The following TRMT11 variants were observed in gnomAD, a reference collection of about 807,000 sequenced individuals.
TRMT11 encodes the protein tRNA (guanine(10)-N(2))-methyltransferase TRMT11.
A neutral mutation model predicts 62.8 loss-of-function variants in TRMT11; 53 were observed. The ratio of observed to expected loss-of-function variants is 0.84; its 90% CI spans 0.68 to 1.06. The LOEUF (loss-of-function observed/expected upper bound fraction) is 1.06, where lower values mean the gene tolerates loss of function less well. TRMT11 is among the 50% of genes least tolerant of loss of function. The pLI is 0.00. For missense variants in TRMT11, 556 were observed against 553.4 expected, an observed-to-expected ratio of 1.00 and a Z score of -0.05; for synonymous variants, 188 against 190.3, an observed-to-expected ratio of 0.99 and a Z score of 0.10.
chr6:125,999,212 C>T (rs1792088277), intron 6 of TRMT11, among the ~76,000 whole-genome samples: 1 of 152,118 alleles, frequency 6.6e-6, no homozygotes, highest in Admixed American at 6.6e-5. Context: ...ACACCTACCT[C>T]TGGAGTAATT....
chr6:126,092,691 T>A (rs1373682510), intron 17 of TRMT11, among the ~76,000 whole-genome samples: 1 of 152,212 alleles, frequency 6.6e-6, no homozygotes, highest in Non-Finnish European at 1.5e-5. Context: ...GTTTCTTTAT[T>A]TCTTTACTTT....
intron 21 of TRMT11, among the ~76,000 whole-genome samples, chr6:126,124,159 T>C (rs1367340732): frequency 6.6e-6 from 1 of 152,098 alleles, no homozygotes; most frequent in East Asian, 1.9e-4. Flanking sequence ...ACTAAAAAGG[T>C]ATTGGTAATA....
intron 19 of TRMT11, among the ~76,000 whole-genome samples, chr6:126,115,199 T>C (rs999021541): frequency 6.6e-6 from 1 of 152,118 alleles, no homozygotes; most frequent in Non-Finnish European, 1.5e-5. Flanking sequence ...GAGGGCTTCC[T>C]CCCCTATACT....
chr6:126,184,195 A>C (rs528107770), intron 1 of TRMT11, among the ~76,000 whole-genome samples: 1 of 152,340 alleles, frequency 6.6e-6, no homozygotes, highest in South Asian at 2.1e-4. Flanking sequence ...AAACTATGTT[A>C]AGAATCCAGG....
intron 17 of TRMT11, among the ~76,000 whole-genome samples, chr6:126,075,681 C>G (rs1411095569): frequency 2.0e-5 from 3 of 152,126 alleles, no homozygotes; most frequent in Non-Finnish European, 4.4e-5. Context: ...TGAGAATGGA[C>G]TGATACAGGC....
intron 17 of TRMT11, among the ~76,000 whole-genome samples, chr6:126,073,309 T>C (rs1224709560): frequency 6.6e-6 from 1 of 152,166 alleles, no homozygotes; most frequent in Non-Finnish European, 1.5e-5. Context: ...CTGCTCTCCT[T>C]ATGACTACTA....
intron 11 of TRMT11, among the ~76,000 whole-genome samples, chr6:126,015,319 G>A (rs538509872): frequency 0.014 from 1,120 of 77,858 alleles, 11 homozygotes; most frequent in African/African-American, 0.061. Context: ...TCCGCCTTCC[G>A]GGTTCACGCC....
rs140950247 is a variant in TRMT11 at position 126,147,981 on chromosome 6, G to A, written c.*1824-26844G>A. ...TTGACGGGTGCAGCAAACCACCATG[G>A]CACATGTATACTTATGTAACAAACC... On this transcript the variant is annotated intron_variant and NMD_transcript_variant, in intron 21 of 22. Transcript: ENST00000648977. Among the ~76,000 whole-genome samples, 268 of 152,060 alleles carry A rather than the reference G, an allele frequency of 1.8e-3. 1 individual carries two copies. Among genetic ancestry groups the A allele is most frequent in the African/African-American group, 6.2e-3 (256 of 41,448 alleles).
At chr6:126,172,147 A>G (rs1778336883) in intron 21 of TRMT11, among the ~76,000 whole-genome samples, 2 of 152,182 alleles carry the variant, frequency 1.3e-5, no homozygotes, top group South Asian at 4.1e-4. Context: ...TATTTTCCCT[A>G]AGTGGTTTTT....
At chr6:126,055,133 T>G (rs1776332621) in intron 17 of TRMT11, among the ~76,000 whole-genome samples, 1 of 152,080 alleles carries the variant, frequency 6.6e-6, no homozygotes, top group Admixed American at 6.6e-5. Context: ...CTCATCTAAG[T>G]TTTATATGTT....
chr6:126,103,769 T>TGA (rs1413072247), intron 17 of TRMT11, among the ~76,000 whole-genome samples: 1 of 152,230 alleles, frequency 6.6e-6, no homozygotes, highest in African/African-American at 2.4e-5. Flanking sequence ...AGACAGCTAC[T>TGA]GAGAGAGAGT....
At chr6:126,104,595 TCTC>T (rs1296344883) in intron 17 of TRMT11, among the ~76,000 whole-genome samples, 3 of 152,154 alleles carry the variant, frequency 2.0e-5, no homozygotes, top group Non-Finnish European at 4.4e-5. Flanking sequence ...CTCTTAATGT[TCTC>T]CTTGTAGAAG....
intron 21 of TRMT11, among the ~76,000 whole-genome samples, chr6:126,147,321 A>G (rs1421099688): frequency 6.6e-6 from 1 of 152,190 alleles, no homozygotes; most frequent in Non-Finnish European, 1.5e-5. Flanking sequence ...GTGCCAAAAT[A>G]ATAAACATGC....
At chr6:126,056,189 A>T (rs985844492) in intron 17 of TRMT11, among the ~76,000 whole-genome samples, 50 of 152,204 alleles carry the variant, frequency 3.3e-4, no homozygotes, top group African/African-American at 1.0e-3. Flanking sequence ...TTGGAATGAG[A>T]ACTATTGGGA....
chr6:126,048,345 C>A (rs1436750401), intron 16 of TRMT11, among the ~76,000 whole-genome samples: 1 of 152,190 alleles, frequency 6.6e-6, no homozygotes, highest in Non-Finnish European at 1.5e-5. Context: ...CTGACCAATA[C>A]CCTCCTTGAG....
At chr6:126,007,830 CAG>C (rs773292973) in intron 7 of TRMT11, among the ~76,000 whole-genome samples, 2 of 151,954 alleles carry the variant, frequency 1.3e-5, no homozygotes, top group Non-Finnish European at 2.9e-5. Context: ...CAGTTTAAAA[CAG>C]GAGATAATTA....
downstream of TRMT11, among the ~76,000 whole-genome samples, chr6:126,205,894 A>G (rs1181352041): frequency 8.4e-6 from 1 of 118,746 alleles, no homozygotes; most frequent in Non-Finnish European, 1.7e-5. Context: ...CACATGTGAG[A>G]GGGTACACAC....
chr6:126,062,025 A>T (rs1376358671), intron 17 of TRMT11, among the ~76,000 whole-genome samples: 1 of 152,176 alleles, frequency 6.6e-6, no homozygotes, highest in African/African-American at 2.4e-5. Context: ...GACTACAGGT[A>T]CACGCTGCCA....
In TRMT11 at chr6:126,157,149, C is replaced by A. The variant is rs113191230; in HGVS notation, c.*1824-17676C>A. Among the ~76,000 whole-genome samples, 282 of 152,308 alleles carry A rather than the reference C, an allele frequency of 1.9e-3. 1 individual carries two copies. The highest frequency in any genetic ancestry group is 6.4e-3 in the African/African-American group (265 of 41,572). ...ACTGCTCTCTGTCCCTGAGGTTTGACCTCTGGGTAGGGAGGCAGGAAGTGG... is the reference window on the plus strand; with the variant it reads ...ACTGCTCTCTGTCCCTGAGGTTTGAACTCTGGGTAGGGAGGCAGGAAGTGG... On this transcript the variant is annotated intron_variant and NMD_transcript_variant, in intron 21 of 22. Transcript: ENST00000648977.
Sources: gnomAD v4.1 joint callset for allele counts (sites outside exome capture counted in the v4.1 genomes callset) on GRCh38, gnomAD v4.1.1 for gene constraint, MANE v1.5 for transcripts, NCBI Gene and HGNC (gene_info 2026-07-23, HGNC 2026-07-21) for gene names.